Variants in ELAVL2 observed in about 807,000 individuals in gnomAD.
ELAVL2 encodes ELAV-like protein 2.
ELAVL2 carries 4 observed loss-of-function variants against 34.6 expected under a neutral mutation model. That is an observed-to-expected ratio of 0.12 (90% confidence interval 0.06 to 0.26). The LOEUF (loss-of-function observed/expected upper bound fraction) is 0.26, where lower values mean the gene tolerates loss of function less well. Among genes scored for constraint, ELAVL2 ranks in the 10% least tolerant of loss-of-function variants. The probability of loss-of-function intolerance (pLI) is 1.00; values close to 1 mark genes in which losing one functional copy is unlikely to be tolerated. For synonymous variants in ELAVL2, 193 were observed against 154.8 expected (o/e 1.25, Z -1.83); for missense variants, 432 against 442.8 (o/e 0.98, Z 0.22).
At chr9:23,755,914 C>A (rs577632217) in intron 2 of ELAVL2, among the ~76,000 whole-genome samples, 3 of 152,166 alleles carry the variant, frequency 2.0e-5, no homozygotes, top group African/African-American at 7.2e-5. Flanking sequence ...CACTGTACAA[C>A]TGTAACTGAC....
chr9:23,693,162 G>A (rs565944276), intron 6 of ELAVL2, among the ~76,000 whole-genome samples: 6 of 152,200 alleles, frequency 3.9e-5, no homozygotes, highest in Non-Finnish European at 7.3e-5. Flanking sequence ...CTGGCTTCAT[G>A]AATTAAGCAG....
intron 2 of ELAVL2, among the ~76,000 whole-genome samples, chr9:23,760,570 C>CACCT (rs1460316033): frequency 6.6e-6 from 1 of 151,968 alleles, no homozygotes; most frequent in Non-Finnish European, 1.5e-5. Context: ...TTTTGTTCTT[C>CACCT]ACCTTTTTCA....
At chr9:23,822,258 G>A (rs1035716620) in intron 1 of ELAVL2, among the ~76,000 whole-genome samples, 2 of 151,568 alleles carry the variant, frequency 1.3e-5, no homozygotes, top group African/African-American at 4.9e-5. Flanking sequence ...CCCCTACTTC[G>A]CAGCCAAGGG....
At chr9:23,738,709 T>C (rs1271667177) in intron 2 of ELAVL2, among the ~76,000 whole-genome samples, 1 of 152,184 alleles carries the variant, frequency 6.6e-6, no homozygotes, top group Admixed American at 6.5e-5. Context: ...GGAGCTAATA[T>C]AGAAGAGTTT....
At chr9:23,780,194 CAGTT>C (rs2058869576) in intron 1 of ELAVL2, among the ~76,000 whole-genome samples, 1 of 151,850 alleles carries the variant, frequency 6.6e-6, no homozygotes, top group Admixed American at 6.6e-5. Context: ...AACAGATCAA[CAGTT>C]GGTATTAATA....
chr9:23,844,173 T>A, the ELAVL2 span, among the ~76,000 whole-genome samples: 1 of 152,006 alleles, frequency 6.6e-6, no homozygotes, highest in African/African-American at 2.4e-5. Context: ...TCCTCTGTGC[T>A]CCTAAAAGTA....
intron 3 of ELAVL2, among the ~76,000 whole-genome samples, chr9:23,723,569 AT>A (rs1310519493): frequency 6.6e-6 from 1 of 151,900 alleles, no homozygotes; most frequent in East Asian, 1.9e-4. Flanking sequence ...CATAATAATA[AT>A]TTAAAAAAAA....
chr9:23,758,121 A>ATTT (rs2054015188), intron 2 of ELAVL2, among the ~76,000 whole-genome samples: 1 of 152,098 alleles, frequency 6.6e-6, no homozygotes. Context: ...CAGGAGGTAG[A>ATTT]ATAAGCTGGA....
chr9:23,758,387 CA>C (rs767579423), intron 2 of ELAVL2, among the ~76,000 whole-genome samples: 3 of 151,630 alleles, frequency 2.0e-5, no homozygotes, highest in Non-Finnish European at 4.4e-5. Context: ...GTAAGAAACT[CA>C]GAAAAAAAAA....
intron 2 of ELAVL2, among the ~76,000 whole-genome samples, chr9:23,740,841 C>CA (rs1233348075): frequency 5.3e-5 from 8 of 152,162 alleles, no homozygotes; most frequent in African/African-American, 7.2e-5. Context: ...TGGCTAAAGC[C>CA]AAACATGTTT....
At chr9:23,841,884 C>A in the ELAVL2 span, among the ~76,000 whole-genome samples, 1 of 152,042 alleles carries the variant, frequency 6.6e-6, no homozygotes, top group Non-Finnish European at 1.5e-5. Flanking sequence ...TATACAAATG[C>A]CTGTCAGGAA....
intron 4 of ELAVL2, among the ~76,000 whole-genome samples, chr9:23,702,575 G>A (rs369799115): frequency 3.3e-5 from 5 of 150,376 alleles, no homozygotes; most frequent in Admixed American, 6.6e-5. Context: ...CATCATACTT[G>A]GAGGAGCTTA....
upstream of ELAVL2, chr9:23,829,869 T>C (rs1367790286): frequency 6.6e-6 from 1 of 152,140 alleles, no homozygotes; most frequent in Non-Finnish European, 1.5e-5. Flanking sequence ...GGAAACTGCG[T>C]GTCTTGGGAA....
At chr9:23,819,770 G>T (rs1175278613) in intron 1 of ELAVL2, among the ~76,000 whole-genome samples, 1 of 152,118 alleles carries the variant, frequency 6.6e-6, no homozygotes, top group Non-Finnish European at 1.5e-5. Context: ...TACAAAGGAG[G>T]AATCACAGAA....
intron 3 of ELAVL2, among the ~76,000 whole-genome samples, chr9:23,728,374 A>G (rs10811962): frequency 0.36 from 55,304 of 151,962 alleles, 10,626 homozygotes; most frequent in East Asian, 0.5. Flanking sequence ...GGTATACCAA[A>G]AAGTCGGAGC....
intron 4 of ELAVL2, among the ~76,000 whole-genome samples, chr9:23,702,986 C>T (rs2037983017): frequency 2.0e-5 from 1 of 48,950 alleles, no homozygotes; most frequent in East Asian, 1.1e-3. Context: ...AAAAAACAGC[C>T]TCTACACAGC....
intron 1 of ELAVL2, among the ~76,000 whole-genome samples, chr9:23,791,521 C>CCACTCTGTTTTT (rs1378948983): frequency 6.6e-6 from 1 of 152,092 alleles, no homozygotes; most frequent in African/African-American, 2.4e-5. Context: ...AACTACACAA[C>CCACTCTGTTTTT]CACTCTGTTT....
At chr9:23,795,946 C>A (rs1404720318) in intron 1 of ELAVL2, among the ~76,000 whole-genome samples, 1 of 152,178 alleles carries the variant, frequency 6.6e-6, no homozygotes, top group African/African-American at 2.4e-5. Flanking sequence ...GGGAAAAATG[C>A]ATAAGTGGAT....
chr9:23,810,432 T>C (rs1466962353), intron 1 of ELAVL2, among the ~76,000 whole-genome samples: 1 of 152,122 alleles, frequency 6.6e-6, no homozygotes, highest in Non-Finnish European at 1.5e-5. Flanking sequence ...AAAATAATCC[T>C]GGTACAACAA....
Sources: allele counts gnomAD v4.1 joint callset (sites outside exome capture counted in the v4.1 genomes callset), GRCh38; gene constraint gnomAD v4.1.1; transcripts MANE v1.5; gene names NCBI Gene and HGNC (gene_info 2026-07-23, HGNC 2026-07-21).